Variants in STOX1 observed in about 807,000 individuals in gnomAD.
STOX1 encodes the protein storkhead-box protein 1.
In STOX1, 57 loss-of-function variants were observed where a neutral mutation model predicts 74.8. The ratio of observed to expected loss-of-function variants is 0.76; its 90% CI spans 0.62 to 0.95. STOX1 has a LOEUF of 0.95. STOX1 is among the 40% of genes least tolerant of loss of function. The pLI is 0.00. For missense variants in STOX1, 1,010 were observed against 1,117.0 expected, an observed-to-expected ratio of 0.90 and a Z score of 1.37; for synonymous variants, 375 against 401.3, an observed-to-expected ratio of 0.93 and a Z score of 0.78.
chr10:68,883,269 C>T (rs1302737777), intron 2 of STOX1, among the ~76,000 whole-genome samples: 2 of 151,232 alleles, frequency 1.3e-5, no homozygotes, highest in African/African-American at 4.9e-5. Flanking sequence ...GCCTGTAATC[C>T]TAGCTACTAA....
downstream of STOX1, chr10:68,895,246 T>A (rs1232382438): frequency 3.9e-5 from 6 of 152,186 alleles, no homozygotes; most frequent in Non-Finnish European, 7.3e-5. Flanking sequence ...TTTTAGGAGA[T>A]GGGGTTTTGC....
intron 1 of STOX1, among the ~76,000 whole-genome samples, chr10:68,856,784 T>C (rs1387627533): frequency 6.6e-6 from 1 of 152,096 alleles, no homozygotes; most frequent in East Asian, 1.9e-4. Context: ...GAAACTTCTC[T>C]CGTTCCACCT....
intron 1 of STOX1, among the ~76,000 whole-genome samples, chr10:68,831,088 G>A (rs1313565654): frequency 6.6e-6 from 1 of 152,152 alleles, no homozygotes; most frequent in Non-Finnish European, 1.5e-5. Flanking sequence ...ACTATTGCAG[G>A]TTGTTGCTCC....
Position 68,885,855 on chromosome 10 carries a change from C to G in STOX1, c.2059C>G (p.Gln687Glu). The G allele has an allele frequency of 6.2e-7, 1 of 1,614,046 alleles. No homozygotes were observed. Among genetic ancestry groups the G allele is most frequent in the Non-Finnish European group, 8.5e-7 (1 of 1,180,034 alleles). ...GAACCCTTTAAGACAAGCTGCAAGA[C>G]AAGACAAAGACTCAGAAGAATTATT... ...GVNPLRQAAR[Q>E]DKDSEELLRK... Residue 687 changes from glutamine (Q) to glutamate (E), a missense_variant, in exon 3 of 4, where the codon CAA becomes GAA. Coordinates refer to ENST00000298596, the MANE Select transcript of STOX1 (RefSeq NM_152709.5).
intron 1 of STOX1, among the ~76,000 whole-genome samples, chr10:68,855,890 A>C (rs574891459): frequency 6.6e-6 from 1 of 152,226 alleles, no homozygotes; most frequent in African/African-American, 2.4e-5. Context: ...GGGCAGTTTT[A>C]AGCAGTCCTG....
Position 68,884,860 on chromosome 10 carries a change from G to A in STOX1, c.1064G>A (p.Arg355Gln), listed in dbSNP as rs764258906. ...RDEDDLDNIPRDVEHEIIKRI... is the reference protein window; with the variant it reads ...RDEDDLDNIPQDVEHEIIKRI... Reference sequence around the variant, plus strand: ...GAAGATGACTTGGACAATATCCCTCGAGATGTTGAACATGAGATAATCAAA... The same window carrying A: ...GAAGATGACTTGGACAATATCCCTCAAGATGTTGAACATGAGATAATCAAA... The change falls in exon 3 of 4, where the codon CGA becomes CAA. Residue 355 changes from arginine to glutamine, a missense_variant. Transcript: ENST00000298596. 20 of 1,613,858 alleles carry A rather than the reference G, an allele frequency of 1.2e-5. No individual in the cohort carries two copies. In the East Asian group the frequency reaches 1.8e-4, roughly 14 times the overall value.
rs1351991065 is a variant in STOX1 at position 68,827,541 on chromosome 10, GATCCTCCCGCCGAGCGAGCGGC to G, written c.-82_-61del. On this transcript the variant is annotated 5_prime_UTR_variant, in exon 1 of 4. Transcript: ENST00000298596. ...GCCGCGGACCCGCGCGCAGTCGGCC[GATCCTCCCGCCGAGCGAGCGGC>G]GTCGTAGCCGCCGCGCTCGCCGAGG... The G allele has an allele frequency of 1.1e-6, 1 of 951,984 alleles. No homozygotes were observed. Among genetic ancestry groups the G allele is most frequent in the African/African-American group, 1.8e-5 (1 of 56,710 alleles). 59.0% of individuals were successfully genotyped at this position (951,984 alleles called of 1,614,324 possible).
rs368523874 is a variant in STOX1, at chr10:68,884,413, T to C, written c.617T>C (p.Leu206Pro). 6 of 1,613,964 alleles carry C rather than the reference T, an allele frequency of 3.7e-6. No individual in the cohort carries two copies. The African/African-American group carries it at 8.0e-5, about 22-fold the overall frequency. ...ACCACCCAGGAAAATAAGAGAATGC[T>C]GCCATCAGATGAAAGTCGCCTGATG... The part of the protein sequence containing the change: ...NTTTQENKRM[L>P]PSDESRLMPA... Residue 206 changes from leucine to proline, a missense_variant, in exon 3 of 4, where the codon CTG becomes CCG. Transcript: ENST00000298596.
At chr10:68,887,566 GC>G (rs1356920624) in intron 3 of STOX1, among the ~76,000 whole-genome samples, 1 of 150,054 alleles carries the variant, frequency 6.7e-6, no homozygotes, top group East Asian at 2.0e-4. Flanking sequence ...ACAGGCGTGA[GC>G]CACTGCGCCC....
chr10:68,843,538 T>A (rs1426623902), intron 1 of STOX1, among the ~76,000 whole-genome samples: 1 of 151,986 alleles, frequency 6.6e-6, no homozygotes, highest in Non-Finnish European at 1.5e-5. Context: ...GTTACCGGTT[T>A]TTTTGTTGTT....
intron 1 of STOX1, among the ~76,000 whole-genome samples, chr10:68,868,729 A>G (rs1840466675): frequency 6.6e-6 from 1 of 152,230 alleles, no homozygotes; most frequent in Admixed American, 6.5e-5. Context: ...CCATGTGCCT[A>G]ACTGGTGCCC....
In STOX1 at chr10:68,886,081, G is replaced by A. The variant is rs1423637207; in HGVS notation, c.2285G>A (p.Gly762Asp). The A allele has an allele frequency of 6.2e-7, 1 of 1,614,198 alleles. No individual in the cohort carries two copies. Among genetic ancestry groups the A allele is most frequent in the South Asian group, 1.1e-5 (1 of 91,086 alleles). Reference sequence around the variant, plus strand: ...GGCCACAGTCAGTATTCCTTCACAGGTGGAAGCCAGGGAAATCATTTAGGA... The same window carrying A: ...GGCCACAGTCAGTATTCCTTCACAGATGGAAGCCAGGGAAATCATTTAGGA... ...LPGHSQYSFT[G>D]GSQGNHLGKQ... The change falls in exon 3 of 4, where the codon GGT becomes GAT. Residue 762 changes from glycine to aspartate, a missense_variant. Gly to Asp is a moderately conservative substitution (Grantham distance 94). Coordinates refer to ENST00000298596, the MANE Select transcript of STOX1 (RefSeq NM_152709.5).
intron 1 of STOX1, among the ~76,000 whole-genome samples, chr10:68,855,329 C>T (rs1355739982): frequency 2.0e-5 from 3 of 151,928 alleles, no homozygotes; most frequent in Non-Finnish European, 4.4e-5. Context: ...CCATGTTGGT[C>T]AGACTGGCCT....
chr10:68,845,404 G>T (rs550888869), intron 1 of STOX1, among the ~76,000 whole-genome samples: 16 of 148,626 alleles, frequency 1.1e-4, no homozygotes, highest in Non-Finnish European at 2.1e-4. Flanking sequence ...CTCCTGAGTA[G>T]CTGGGACTAC....
At chr10:68,830,011 G>T (rs1318585930) in intron 1 of STOX1, among the ~76,000 whole-genome samples, 2 of 152,196 alleles carry the variant, frequency 1.3e-5, no homozygotes, top group East Asian at 3.8e-4. Context: ...GGAGTGGGAT[G>T]CAGGGTGGGG....
At chr10:68,865,700 G>C (rs544985824) in intron 1 of STOX1, among the ~76,000 whole-genome samples, 1 of 152,276 alleles carries the variant, frequency 6.6e-6, no homozygotes, top group East Asian at 1.9e-4. Context: ...AGCAGGAGAA[G>C]GCAGTCCTGG....
chr10:68,854,560 A>T (rs781293083), intron 1 of STOX1, among the ~76,000 whole-genome samples: 23 of 152,010 alleles, frequency 1.5e-4, no homozygotes, highest in Non-Finnish European at 3.1e-4. Context: ...GGCCTCTTAA[A>T]GTGCTGGGGT....
chr10:68,850,682 T>G (rs966669713), intron 1 of STOX1, among the ~76,000 whole-genome samples: 1 of 152,156 alleles, frequency 6.6e-6, no homozygotes, highest in African/African-American at 2.4e-5. Flanking sequence ...AGATACACTT[T>G]TAAACATTTG....
chr10:68,892,338 A>T (rs761943013), intron 3 of STOX1, among the ~76,000 whole-genome samples: 12 of 151,984 alleles, frequency 7.9e-5, no homozygotes, highest in African/African-American at 1.4e-4. Context: ...ACTTGATACT[A>T]GATCTGAGAA....
Sources: gnomAD v4.1 joint callset for allele counts (sites outside exome capture counted in the v4.1 genomes callset) on GRCh38, gnomAD v4.1.1 for gene constraint, MANE v1.5 for transcripts, NCBI Gene and HGNC (gene_info 2026-07-23, HGNC 2026-07-21) for gene names.